PTK2B: variants seen among roughly 807,000 people sequenced by gnomAD.
PTK2B encodes the protein protein-tyrosine kinase 2-beta.
A neutral mutation model predicts 142.9 loss-of-function variants in PTK2B; 71 were observed. The ratio of observed to expected loss-of-function variants is 0.50; its 90% CI spans 0.41 to 0.61. PTK2B has a LOEUF of 0.61. PTK2B is among the 20% of genes least tolerant of loss of function. The pLI, the probability that PTK2B is intolerant of heterozygous loss-of-function variation, is 0.00. For synonymous variants in PTK2B, 519 were observed against 503.4 expected (o/e 1.03, Z -0.42); for missense variants, 1,105 against 1,320.4 (o/e 0.84, Z 2.53).
At chr8:27,349,051 C>A (rs1345516078) in intron 1 of PTK2B, among the ~76,000 whole-genome samples, 1 of 152,174 alleles carries the variant, frequency 6.6e-6, no homozygotes, top group African/African-American at 2.4e-5. Flanking sequence ...ATCCCAGCCT[C>A]AGACCACTGG....
chr8:27,319,264 C>CT (rs1274222199), intron 3 of PTK2B, among the ~76,000 whole-genome samples: 1 of 150,862 alleles, frequency 6.6e-6, no homozygotes, highest in Admixed American at 6.6e-5. Context: ...CGTTTTATCT[C>CT]TCCCCTCTAC....
Position 27,346,125 on chromosome 8 carries a change from A to G in PTK2B, c.-38+20444A>G, listed in dbSNP as rs17057040. ...GCTACAAGTCTGGTTGCTCAGGACT[A>G]TGGCATATGTTACAGGTAGTTTGCC... On this transcript the variant is annotated intron_variant, in intron 1 of 30. Transcript: ENST00000346049. Among the ~76,000 whole-genome samples, 842 of 152,318 alleles carry G rather than the reference A, an allele frequency of 5.5e-3. 5 individuals carry two copies. The highest frequency in any genetic ancestry group is 0.019 in the African/African-American group (777 of 41,550).
chr8:27,324,682 A>G (rs1021116391), upstream of PTK2B, among the ~76,000 whole-genome samples: 1 of 152,274 alleles, frequency 6.6e-6, no homozygotes, highest in Admixed American at 6.5e-5. Context: ...TCAGATTCCA[A>G]TCCTGCACAG....
intron 14 of PTK2B, 104 bp downstream of exon 14, chr8:27,435,897 C>T: frequency 7.2e-7 from 1 of 1,395,394 alleles, no homozygotes. Context: ...CTCCTTTATC[C>T]TCCCTTCGTG....
chr8:27,374,070 C>A (rs1162791651), intron 1 of PTK2B, among the ~76,000 whole-genome samples: 1 of 152,062 alleles, frequency 6.6e-6, no homozygotes, highest in Non-Finnish European at 1.5e-5. Flanking sequence ...TAGGCTTTAC[C>A]ACCAAGGAGA....
chr8:27,364,148 A>G (rs1324096003), intron 1 of PTK2B, among the ~76,000 whole-genome samples: 1 of 152,230 alleles, frequency 6.6e-6, no homozygotes, highest in Non-Finnish European at 1.5e-5. Context: ...TCTGTGCATG[A>G]CTAGCAAGGG....
chr8:27,358,219 G>A (rs1264871402), intron 1 of PTK2B, among the ~76,000 whole-genome samples: 2 of 152,158 alleles, frequency 1.3e-5, no homozygotes, highest in Non-Finnish European at 2.9e-5. Flanking sequence ...TGCACTGTAG[G>A]TTCAGCTGAG....
At chr8:27,370,084 C>G (rs145881103) in intron 1 of PTK2B, among the ~76,000 whole-genome samples, 1 of 152,344 alleles carries the variant, frequency 6.6e-6, no homozygotes, top group Non-Finnish European at 1.5e-5. Context: ...CTCAGGGTCT[C>G]AGAGCTCTTG....
intron 2 of PTK2B, among the ~76,000 whole-genome samples, chr8:27,413,478 C>A (rs1279260270): frequency 2.0e-5 from 3 of 152,146 alleles, no homozygotes; most frequent in Non-Finnish European, 1.5e-5. Context: ...TTCCTAAATC[C>A]AAAAGAGTAC....
chr8:27,416,499 A>G (rs1222880074), intron 2 of PTK2B, among the ~76,000 whole-genome samples: 2 of 150,738 alleles, frequency 1.3e-5, no homozygotes, highest in Admixed American at 6.7e-5. Flanking sequence ...TTAATTCACA[A>G]TAGATCACAA....
At chr8:27,313,438 T>C (rs1803027510) in intron 3 of PTK2B, among the ~76,000 whole-genome samples, 1 of 152,148 alleles carries the variant, frequency 6.6e-6, no homozygotes, top group South Asian at 2.1e-4. Context: ...TATTAAAAAG[T>C]TTGGGACAGA....
Position 27,442,000 on chromosome 8 carries a change from A to G in PTK2B, c.2040-875A>G, listed in dbSNP as rs199865695. Among the ~76,000 whole-genome samples, 5 of 152,084 alleles carry G rather than the reference A, an allele frequency of 3.3e-5. No homozygotes were observed. In the East Asian group the frequency reaches 9.7e-4, roughly 29 times the overall value. On this transcript the variant is annotated intron_variant, in intron 21 of 30. Coordinates refer to ENST00000346049, the MANE Select transcript of PTK2B (RefSeq NM_173176.3). ...GGTGTGATCTGGAAAACACTGAAAG[A>G]CTCAGAAGACCCCAGGTTGCTTCCT...
intron 2 of PTK2B, among the ~76,000 whole-genome samples, chr8:27,312,808 C>T (rs190862657): frequency 6.6e-6 from 1 of 152,220 alleles, no homozygotes; most frequent in Admixed American, 6.5e-5. Flanking sequence ...AATAACTGGC[C>T]ATAAAGAAAT....
rs1252304672 is a variant in PTK2B, at chr8:27,366,216, G to C, written c.-37-31332G>C. 2.6e-5 allele frequency among the ~76,000 whole-genome samples: 4 copies of C among 152,172 alleles called. No homozygotes were observed. In the East Asian group the frequency reaches 7.7e-4, roughly 29 times the overall value. On this transcript the variant is annotated intron_variant, in intron 1 of 30. Transcript: ENST00000346049. ...AAATCTCACTCCATTGCTGATCCTA[G>C]AATTAGTTCAGGCTCCCTGAGGACA... is the stretch of plus-strand genomic sequence containing the variant.
intron 1 of PTK2B, among the ~76,000 whole-genome samples, chr8:27,331,038 C>G (rs966691690): frequency 6.6e-6 from 1 of 152,224 alleles, no homozygotes; most frequent in African/African-American, 2.4e-5. Context: ...AGTTCTCTCT[C>G]TTCCTTTTAT....
chr8:27,393,268 A>G (rs1807831536), intron 1 of PTK2B, among the ~76,000 whole-genome samples: 1 of 152,218 alleles, frequency 6.6e-6, no homozygotes, highest in Admixed American at 6.5e-5. Flanking sequence ...AGATTTTTAA[A>G]TTGTAATTAC....
intron 1 of PTK2B, among the ~76,000 whole-genome samples, chr8:27,353,001 G>A (rs10086912): frequency 2.0e-5 from 3 of 152,012 alleles, no homozygotes; most frequent in African/African-American, 7.3e-5. Context: ...AGTTACAAAG[G>A]ATTGAATAAA....
intron 1 of PTK2B, among the ~76,000 whole-genome samples, chr8:27,375,000 G>A (rs765830330): frequency 6.6e-6 from 1 of 152,198 alleles, no homozygotes; most frequent in Non-Finnish European, 1.5e-5. Flanking sequence ...TGAACAGAAG[G>A]GACCTGAGTC....
chr8:27,315,775 T>C (rs1282346078), intron 3 of PTK2B, among the ~76,000 whole-genome samples: 1 of 152,190 alleles, frequency 6.6e-6, no homozygotes, highest in Non-Finnish European at 1.5e-5. Context: ...AGAAAGGACT[T>C]AGTTCTAGTC....
Sources: allele counts gnomAD v4.1 joint callset (sites outside exome capture counted in the v4.1 genomes callset), GRCh38; gene constraint gnomAD v4.1.1; transcripts MANE v1.5; gene names NCBI Gene and HGNC (gene_info 2026-07-23, HGNC 2026-07-21).